Variants in NBAS observed in about 807,000 individuals in gnomAD.
NBAS encodes the protein NAG/BC035112 fusion.
Under a neutral mutation model 302.5 loss-of-function variants are expected in NBAS, and 219 were observed. That is an observed-to-expected ratio of 0.72 (90% CI 0.65 to 0.81). The LOEUF is 0.81. NBAS is among the 30% of genes least tolerant of loss of function. The probability of loss-of-function intolerance (pLI) is 0.00; values close to 1 mark genes in which losing one functional copy is unlikely to be tolerated. For missense variants in NBAS, 2,932 were observed against 2,841.6 expected, an observed-to-expected ratio of 1.03 and a Z score of -0.72; for synonymous variants, 1,118 against 1,021.6, an observed-to-expected ratio of 1.09 and a Z score of -1.80.
At chr2:15,294,929 G>A (rs1206967772) in intron 40 of NBAS, among the ~76,000 whole-genome samples, 1 of 152,122 alleles carries the variant, frequency 6.6e-6, no homozygotes, top group Non-Finnish European at 1.5e-5. Context: ...TACCTTGAAG[G>A]AAAGGCTATA....
chr2:14,895,926 C>G, the NBAS span, among the ~76,000 whole-genome samples: 3 of 151,630 alleles, frequency 2.0e-5, no homozygotes, highest in East Asian at 5.8e-4. Flanking sequence ...GATGGGCACA[C>G]TAGAAGCCCA....
chr2:14,898,268 A>G, the NBAS span, among the ~76,000 whole-genome samples: 1 of 152,226 alleles, frequency 6.6e-6, no homozygotes, highest in Non-Finnish European at 1.5e-5. Context: ...TTCCTTGAAA[A>G]GGTGAAAAAT....
intron 19 of NBAS, among the ~76,000 whole-genome samples, chr2:15,463,552 C>T (rs529561120): frequency 6.6e-6 from 1 of 152,216 alleles, no homozygotes; most frequent in South Asian, 2.1e-4. Context: ...GTCCCTCATT[C>T]CTTCTATCAG....
chr2:15,143,202 A>G, the NBAS span, among the ~76,000 whole-genome samples: 2 of 152,134 alleles, frequency 1.3e-5, no homozygotes, highest in Middle Eastern at 3.4e-3. Flanking sequence ...TCTTTATCTC[A>G]CTTAAGGCTC....
chr2:15,514,162 A>G (rs1662277482), intron 9 of NBAS, among the ~76,000 whole-genome samples: 1 of 152,230 alleles, frequency 6.6e-6, no homozygotes, highest in African/African-American at 2.4e-5. Flanking sequence ...GATTTACTTC[A>G]ATATAATCCA....
At chr2:15,007,874 T>C in the NBAS span, among the ~76,000 whole-genome samples, 1 of 152,234 alleles carries the variant, frequency 6.6e-6, no homozygotes, top group Admixed American at 6.5e-5. Context: ...TAATAGTTAC[T>C]TAAGCTTCCC....
chr2:15,393,724 C>T, intron 28 of NBAS: 2 of 470,628 alleles, frequency 4.2e-6, no homozygotes, highest in South Asian at 3.1e-5. Flanking sequence ...AAGTGGTAAA[C>T]AGGCTGTGAA....
intron 21 of NBAS, among the ~76,000 whole-genome samples, chr2:15,441,508 A>C (rs1296753472): frequency 6.6e-6 from 1 of 151,996 alleles, no homozygotes; most frequent in Non-Finnish European, 1.5e-5. Flanking sequence ...TGAAGGAAGC[A>C]CTAAACATGG....
At chr2:15,182,793 C>A (rs556727285) in intron 50 of NBAS, among the ~76,000 whole-genome samples, 1 of 152,260 alleles carries the variant, frequency 6.6e-6, no homozygotes, top group Non-Finnish European at 1.5e-5. Flanking sequence ...AGTCACTCAT[C>A]CTGCTGGTAA....
Position 15,264,969 on chromosome 2 carries a change from C to T in NBAS, c.5724+10515G>A, listed in dbSNP as rs1439106072. On this transcript the variant is annotated intron_variant, in intron 44 of 51. Transcript: ENST00000281513. Reference sequence around the variant, plus strand: ...GGTGACACTGACATCCTTAAATCATCTTTTCTCCAGTTCATGCCACTATTC... The same window carrying T: ...GGTGACACTGACATCCTTAAATCATTTTTTCTCCAGTTCATGCCACTATTC... Among the ~76,000 whole-genome samples the T allele has an allele frequency of 2.0e-5, 3 of 152,266 alleles. No individual in the cohort carries two copies. The East Asian group carries it at 5.8e-4, about 29-fold the overall frequency.
At chr2:15,395,279 T>G (rs1675814934) in intron 27 of NBAS, among the ~76,000 whole-genome samples, 2 of 152,086 alleles carry the variant, frequency 1.3e-5, no homozygotes, top group African/African-American at 4.8e-5. Context: ...CTATCTCTTC[T>G]CAATTTTACT....
At chr2:15,005,278 C>T in the NBAS span, among the ~76,000 whole-genome samples, 1 of 152,174 alleles carries the variant, frequency 6.6e-6, no homozygotes, top group Non-Finnish European at 1.5e-5. Context: ...TGACTAGCGA[C>T]TCCCCTTACT....
intron 19 of NBAS, among the ~76,000 whole-genome samples, chr2:15,463,785 A>G (rs1679605813): frequency 6.9e-6 from 1 of 145,508 alleles, no homozygotes; most frequent in Non-Finnish European, 1.5e-5. Context: ...AATGAACCAA[A>G]TGCAAAAAAA....
At chr2:15,467,544 G>T in intron 18 of NBAS, 120 bp downstream of exon 18, 2 of 1,276,976 alleles carry the variant, frequency 1.6e-6, no homozygotes, top group Non-Finnish European at 2.3e-6. Flanking sequence ...TAAGATAATA[G>T]TAAGTACATT....
chr2:15,067,399 G>T, the NBAS span, among the ~76,000 whole-genome samples: 1 of 79,170 alleles, frequency 1.3e-5, no homozygotes. Flanking sequence ...GGAGGGGAGG[G>T]GAGGGGAGGG....
chr2:15,062,396 A>G, the NBAS span, among the ~76,000 whole-genome samples: 5 of 152,232 alleles, frequency 3.3e-5, no homozygotes, highest in African/African-American at 9.6e-5. Flanking sequence ...TATTTATACT[A>G]GAGGAAGGAT....
chr2:15,511,496 G>T, intron 9 of NBAS, 146 bp from the exon 10 acceptor site: 1 of 751,354 alleles, frequency 1.3e-6, no homozygotes, highest in Non-Finnish European at 2.2e-6. Flanking sequence ...TATTTCAGAG[G>T]AAACAATCAA....
At chr2:15,060,297 C>A in the NBAS span, among the ~76,000 whole-genome samples, 1,607 of 152,298 alleles carry the variant, frequency 0.011, 31 homozygotes, top group African/African-American at 0.036. Flanking sequence ...CAGCTCCTCC[C>A]CACCTGCGTC....
At chr2:15,147,013 C>T in the NBAS span, among the ~76,000 whole-genome samples, 1 of 152,176 alleles carries the variant, frequency 6.6e-6, no homozygotes, top group Non-Finnish European at 1.5e-5. Flanking sequence ...GACCCTGCCA[C>T]AGGTTCTCAG....
Sources: gnomAD v4.1 joint callset for allele counts (sites outside exome capture counted in the v4.1 genomes callset) on GRCh38, gnomAD v4.1.1 for gene constraint, MANE v1.5 for transcripts, NCBI Gene and HGNC (gene_info 2026-07-23, HGNC 2026-07-21) for gene names.